The following NCAM2 variants were observed in gnomAD, a reference collection of about 807,000 sequenced individuals.
NCAM2 encodes the protein neural cell adhesion molecule 2.
In NCAM2, 30 loss-of-function variants were observed where a neutral mutation model predicts 98.1. The ratio of observed to expected loss-of-function variants is 0.31; its 90% confidence interval spans 0.23 to 0.41. NCAM2 has a LOEUF of 0.41. NCAM2 is among the 10% of genes least tolerant of loss of function. The pLI is 1.00. For missense variants in NCAM2, 867 were observed against 1,005.8 expected (o/e 0.86, Z 1.87); for synonymous variants, 368 against 342.4 (o/e 1.07, Z -0.83).
At chr21:21,415,470 G>A (rs1051875446) in intron 10 of NCAM2, among the ~76,000 whole-genome samples, 1 of 151,416 alleles carries the variant, frequency 6.6e-6, no homozygotes, top group African/African-American at 2.4e-5. Context: ...CGAGTAGCTG[G>A]GACTACAGGC....
At chr21:21,401,189 G>A (rs911105157) in intron 9 of NCAM2, among the ~76,000 whole-genome samples, 9 of 152,130 alleles carry the variant, frequency 5.9e-5, no homozygotes, top group African/African-American at 2.2e-4. Flanking sequence ...GTGTGTATGT[G>A]TGTGCACATC....
At position 21,044,529 on chromosome 21, in the gene NCAM2, C is replaced by G. The variant is rs534010977; in HGVS notation, c.55+45911C>G. Among the ~76,000 whole-genome samples the G allele has an allele frequency of 3.3e-5, 5 of 152,056 alleles. No individual in the cohort carries two copies. The South Asian group carries it at 1.0e-3, about 32-fold the overall frequency. On this transcript the variant is annotated intron_variant, in intron 1 of 17. Coordinates refer to ENST00000400546, the MANE Select transcript of NCAM2 (RefSeq NM_004540.5). ...TATATTGTATAAATAACTAGTCTGG[C>G]TTCATATTTAAAGTCTTTCTGCCCA...
At chr21:21,322,732 T>C (rs1443977203) in intron 5 of NCAM2, among the ~76,000 whole-genome samples, 1 of 152,158 alleles carries the variant, frequency 6.6e-6, no homozygotes, top group African/African-American at 2.4e-5. Context: ...ATCATCTTTA[T>C]CTTCTGAGAA....
chr21:21,178,180 A>AT (rs1569113577), intron 1 of NCAM2, among the ~76,000 whole-genome samples: 6 of 152,200 alleles, frequency 3.9e-5, no homozygotes, highest in African/African-American at 1.4e-4. Flanking sequence ...AACATTTCAC[A>AT]TTTTTTAAAT....
rs567923920 is a variant in NCAM2, at chr21:21,007,873, C to A, written c.55+9255C>A. Among the ~76,000 whole-genome samples, 10 of 152,158 alleles carry A rather than the reference C, an allele frequency of 6.6e-5. No homozygotes were observed. In the South Asian group the frequency reaches 2.1e-3, roughly 32 times the overall value. ...GGGAATGCAGTCCCGTAGGTCTTGG[C>A]CTTATTTTACCCAGATGCTATTCAA... On this transcript the variant is annotated intron_variant, in intron 1 of 17. Transcript: ENST00000400546.
intron 9 of NCAM2, among the ~76,000 whole-genome samples, chr21:21,375,105 T>C (rs986831761): frequency 6.6e-6 from 1 of 151,190 alleles, no homozygotes; most frequent in Non-Finnish European, 1.5e-5. Flanking sequence ...ATGGCACATG[T>C]ATACATATGT....
intron 1 of NCAM2, among the ~76,000 whole-genome samples, chr21:21,199,247 T>G (rs1014185965): frequency 2.0e-5 from 3 of 152,200 alleles, no homozygotes; most frequent in Non-Finnish European, 4.4e-5. Context: ...TATAAAACAG[T>G]CAGAGAGCTC....
chr21:21,442,289 A>G (rs1979410869), intron 12 of NCAM2, among the ~76,000 whole-genome samples: 1 of 152,188 alleles, frequency 6.6e-6, no homozygotes, highest in Non-Finnish European at 1.5e-5. Context: ...AGGGATGGGA[A>G]GAAGTTGTCA....
intron 15 of NCAM2, among the ~76,000 whole-genome samples, chr21:21,490,825 G>A (rs1237902655): frequency 6.6e-6 from 1 of 151,558 alleles, no homozygotes; most frequent in African/African-American, 2.4e-5. Flanking sequence ...TGCTATAAGT[G>A]TATTGTCCTC....
intron 1 of NCAM2, among the ~76,000 whole-genome samples, chr21:21,107,604 A>T (rs2066375217): frequency 1.3e-5 from 2 of 152,152 alleles, no homozygotes; most frequent in African/African-American, 4.8e-5. Context: ...ATTAAAAATA[A>T]CTTCTAAAAA....
At chr21:21,241,727 C>A in intron 1 of NCAM2, among the ~76,000 whole-genome samples, 1 of 746 alleles carries the variant, frequency 1.3e-3, no homozygotes, top group African/African-American at 5.7e-3. Context: ...TTATTAATAA[C>A]ATAATCTGAG....
rs199788139 is a variant in NCAM2 at position 21,284,316 on chromosome 21, A to T, written c.253A>T (p.Ile85Leu). Reference protein sequence around the residue: ...RSRLTIYNANIEDAGIYRCQA... With the variant: ...RSRLTIYNANLEDAGIYRCQA... ...ACGGTTAACCATCTACAATGCAAAT[A>T]TAGAAGATGCAGGGATATATCGTTG... Residue 85 changes from isoleucine (I) to leucine (L), a missense_variant, in exon 3 of 18, where the codon ATA (isoleucine) becomes TTA (leucine). Ile to Leu is a conservative substitution (Grantham distance 5). This residue lies in a region of NCAM2 where 447 missense variants were observed against 495.7 expected (regional missense o/e 0.90). Transcript: ENST00000400546. 1 of 1,612,554 alleles carries T rather than the reference A, an allele frequency of 6.2e-7. No homozygotes were observed. Among genetic ancestry groups the T allele is most frequent in the African/African-American group, 1.3e-5 (1 of 74,860 alleles).
chr21:21,410,744 C>T (rs1288992696), intron 10 of NCAM2, among the ~76,000 whole-genome samples: 1 of 151,456 alleles, frequency 6.6e-6, no homozygotes, highest in African/African-American at 2.4e-5. Flanking sequence ...CGCAGTGGCT[C>T]ACTCCTGTAA....
At chr21:21,454,802 A>C (rs1981877760) in intron 12 of NCAM2, among the ~76,000 whole-genome samples, 2 of 151,964 alleles carry the variant, frequency 1.3e-5, no homozygotes, top group Non-Finnish European at 2.9e-5. Flanking sequence ...CAGGGCTTTA[A>C]GGAGAAAACA....
chr21:21,264,925 AC>A (rs2072087725), intron 1 of NCAM2, among the ~76,000 whole-genome samples: 1 of 107,114 alleles, frequency 9.3e-6, no homozygotes, highest in Non-Finnish European at 2.1e-5. Context: ...TATTAGATAT[AC>A]ACATATATAT....
At chr21:21,016,823 A>G (rs1032713305) in intron 1 of NCAM2, among the ~76,000 whole-genome samples, 4 of 152,092 alleles carry the variant, frequency 2.6e-5, no homozygotes, top group African/African-American at 9.7e-5. Context: ...CTATGAAGTG[A>G]CCAAGGTGGA....
At chr21:21,215,401 T>C (rs573084808) in intron 1 of NCAM2, among the ~76,000 whole-genome samples, 1 of 152,258 alleles carries the variant, frequency 6.6e-6, no homozygotes, top group Admixed American at 6.5e-5. Flanking sequence ...AATTCTTAAA[T>C]GTTGCTCTAA....
intron 9 of NCAM2, among the ~76,000 whole-genome samples, chr21:21,378,249 T>G (rs2076076019): frequency 6.6e-6 from 1 of 151,946 alleles, no homozygotes; most frequent in Non-Finnish European, 1.5e-5. Flanking sequence ...ATTTTCTTTT[T>G]GGGAGGAACT....
chr21:21,243,488 T>A (rs1460421405), intron 1 of NCAM2, among the ~76,000 whole-genome samples: 1 of 152,094 alleles, frequency 6.6e-6, no homozygotes, highest in Non-Finnish European at 1.5e-5. Context: ...GGCTAACCAG[T>A]TGATGAAAAT....
Sources: gnomAD v4.1 joint callset for allele counts (sites outside exome capture counted in the v4.1 genomes callset) on GRCh38, gnomAD v4.1.1 for gene constraint, gnomAD v4.1.1 regional missense constraint, MANE v1.5 for transcripts, NCBI Gene and HGNC (gene_info 2026-07-23, HGNC 2026-07-21) for gene names.